ADD3: variants seen among roughly 807,000 people sequenced by gnomAD.
The protein encoded by ADD3 is gamma-adducin.
Under a neutral mutation model 80.2 loss-of-function variants are expected in ADD3, and 25 were observed. That is an observed-to-expected ratio of 0.31 (90% CI 0.23 to 0.44). ADD3 has a LOEUF of 0.44. Among genes scored for constraint, ADD3 ranks in the 20% least tolerant of loss-of-function variants. The probability of loss-of-function intolerance (pLI) is 1.00; values close to 1 mark genes in which losing one functional copy is unlikely to be tolerated. For synonymous variants in ADD3, 284 were observed against 289.6 expected (o/e 0.98, Z 0.20); for missense variants, 829 against 847.5 (o/e 0.98, Z 0.27).
chr10:110,115,321 G>A (rs1476105227), intron 3 of ADD3, among the ~76,000 whole-genome samples: 2 of 152,096 alleles, frequency 1.3e-5, no homozygotes, highest in South Asian at 2.1e-4. Flanking sequence ...CCTGGGAGGT[G>A]GATGTTGCAG....
chr10:110,050,343 T>G (rs1472514005), intron 1 of ADD3, among the ~76,000 whole-genome samples: 2 of 152,048 alleles, frequency 1.3e-5, no homozygotes, highest in African/African-American at 4.8e-5. Context: ...ATACTATTCT[T>G]ATGGTAGTGA....
chr10:110,125,762 T>C (rs1486241787), intron 10 of ADD3, 64 bp from the exon 11 acceptor site: 4 of 1,286,104 alleles, frequency 3.1e-6, no homozygotes, highest in Non-Finnish European at 4.3e-6. Flanking sequence ...TAAGCAGTTA[T>C]CTAACAATCT....
At chr10:110,016,844 A>G (rs991531789) in intron 1 of ADD3, among the ~76,000 whole-genome samples, 1 of 152,202 alleles carries the variant, frequency 6.6e-6, no homozygotes, top group Non-Finnish European at 1.5e-5. Context: ...AACTGGAGGT[A>G]GTAGAACTAG....
At chr10:110,080,804 ACTTAACATAAT>A (rs1845973543) in intron 1 of ADD3, among the ~76,000 whole-genome samples, 1 of 152,220 alleles carries the variant, frequency 6.6e-6, no homozygotes, top group East Asian at 1.9e-4. Flanking sequence ...AACTGACATT[ACTTAACATAAT>A]TAAAGTTTTC....
intron 3 of ADD3, among the ~76,000 whole-genome samples, chr10:110,114,158 T>C (rs1351520857): frequency 6.6e-6 from 1 of 152,220 alleles, no homozygotes; most frequent in East Asian, 1.9e-4. Context: ...TGCCACTGTT[T>C]GGAGATCAGG....
chr10:110,024,802 C>T (rs1383310169), intron 1 of ADD3, among the ~76,000 whole-genome samples: 1 of 151,840 alleles, frequency 6.6e-6, no homozygotes, highest in Non-Finnish European at 1.5e-5. Context: ...TTATAAAATC[C>T]ATTTATTTTT....
At chr10:110,066,247 T>G (rs1336214564) in intron 1 of ADD3, among the ~76,000 whole-genome samples, 1 of 151,888 alleles carries the variant, frequency 6.6e-6, no homozygotes, top group Non-Finnish European at 1.5e-5. Flanking sequence ...TTGATTTGAG[T>G]GTTTGTTTGT....
chr10:110,009,147 C>T (rs1477416251), intron 1 of ADD3, among the ~76,000 whole-genome samples: 2 of 152,036 alleles, frequency 1.3e-5, no homozygotes, highest in African/African-American at 4.8e-5. Flanking sequence ...ATTTCCTTGG[C>T]ACATGTGCTG....
intron 1 of ADD3, among the ~76,000 whole-genome samples, chr10:110,088,386 CCAT>C (rs1410510959): frequency 3.9e-5 from 6 of 152,194 alleles, no homozygotes; most frequent in African/African-American, 1.4e-4. Flanking sequence ...GCACTTAAAA[CCAT>C]CAACCAATTG....
chr10:110,043,956 C>T (rs1421778884), intron 1 of ADD3, among the ~76,000 whole-genome samples: 1 of 152,110 alleles, frequency 6.6e-6, no homozygotes, highest in East Asian at 1.9e-4. Context: ...CGCCTGTAAT[C>T]CCAGCACTTT....
chr10:109,997,456 T>G (rs1325403385), intron 1 of ADD3: 1 of 152,206 alleles, frequency 6.6e-6, no homozygotes. Context: ...GACCTGTAAA[T>G]AGGGATACTT....
intron 1 of ADD3, among the ~76,000 whole-genome samples, chr10:110,079,451 A>T (rs1341475841): frequency 5.3e-4 from 71 of 132,844 alleles, no homozygotes; most frequent in African/African-American, 2.3e-3. Flanking sequence ...AGAGAGAGAG[A>T]GAGAGAGAGA....
chr10:110,105,635 T>C (rs1849320424), intron 2 of ADD3, among the ~76,000 whole-genome samples: 1 of 152,072 alleles, frequency 6.6e-6, no homozygotes, highest in South Asian at 2.1e-4. Flanking sequence ...ATAACAGGAG[T>C]GTATGTGGTG....
chr10:110,116,187 C>T, intron 3 of ADD3, 72 bp from the exon 4 acceptor site: 1 of 1,518,732 alleles, frequency 6.6e-7, no homozygotes, highest in Admixed American at 1.8e-5. Flanking sequence ...ACGCAGGCTA[C>T]TTCCTGGCAA....
At chr10:110,065,544 T>TTTTTTTTTTC (rs1554928301) in intron 1 of ADD3, among the ~76,000 whole-genome samples, 1,284 of 76,420 alleles carry the variant, frequency 0.017, 149 homozygotes, top group African/African-American at 0.065. Context: ...CTCCCCTTTT[T>TTTTTTTTTTC]TTTTTTTTTT....
chr10:110,100,824 A>G lies in ADD3; in HGVS notation c.171A>G (p.Arg57=). 1 of 1,609,186 alleles carries G rather than the reference A, an allele frequency of 6.2e-7. No homozygotes were observed. The highest frequency in any genetic ancestry group is 8.5e-7 in the Non-Finnish European group (1 of 1,178,124). Residue 57 remains arginine, a synonymous_variant, in exon 2 of 15, where the codon CGA becomes CGG. Transcript: ENST00000356080. ...TCAACATGATGGAGCAGAGGAAACG[A>G]GTTACTCAGATCCTGCAAAGTCCTG... is the stretch of plus-strand genomic sequence containing the variant. ...QDFNMMEQRK[R]VTQILQSPAF...
chr10:110,068,123 C>T (rs1844201004), intron 1 of ADD3, among the ~76,000 whole-genome samples: 2 of 152,148 alleles, frequency 1.3e-5, no homozygotes, highest in East Asian at 1.9e-4. Flanking sequence ...TCTTTGGCTG[C>T]CACAGTTACT....
At chr10:110,114,297 T>C (rs1850420240) in intron 3 of ADD3, among the ~76,000 whole-genome samples, 1 of 152,228 alleles carries the variant, frequency 6.6e-6, no homozygotes, top group Non-Finnish European at 1.5e-5. Context: ...AATTATGCTA[T>C]TTTTTGTGGC....
chr10:110,013,425 G>T lies in ADD3; in HGVS notation c.-30+5126G>T, dbSNP rs566253037. Among the ~76,000 whole-genome samples the T allele has an allele frequency of 1.2e-3, 183 of 152,232 alleles. 2 individuals are homozygous for T. The South Asian group carries it at 0.018, about 15-fold the overall frequency. Reference sequence around the variant, plus strand: ...GCCAAGGCTAAGGTTTTAATCTAGGGTTATGAAACTCAATTTTTTCTGCAG... The same window carrying T: ...GCCAAGGCTAAGGTTTTAATCTAGGTTTATGAAACTCAATTTTTTCTGCAG... On this transcript the variant is annotated intron_variant, in intron 1 of 14. Transcript: ENST00000356080.
Sources: allele counts gnomAD v4.1 joint callset (sites outside exome capture counted in the v4.1 genomes callset), GRCh38; gene constraint gnomAD v4.1.1; transcripts MANE v1.5; gene names NCBI Gene and HGNC (gene_info 2026-07-23, HGNC 2026-07-21).